The following SLC7A6OS variants were observed in gnomAD, a reference collection of about 807,000 sequenced individuals.
The protein encoded by SLC7A6OS is probable RNA polymerase II nuclear localization protein SLC7A6OS.
In SLC7A6OS, 22 loss-of-function variants were observed where a neutral mutation model predicts 34.3. The ratio of observed to expected loss-of-function variants is 0.64; its 90% confidence interval spans 0.46 to 0.92. The LOEUF (loss-of-function observed/expected upper bound fraction) is 0.92. Among genes scored for constraint, SLC7A6OS ranks in the 40% least tolerant of loss-of-function variants. The pLI is 0.00. For synonymous variants in SLC7A6OS, 199 were observed against 165.0 expected (o/e 1.21, Z -1.58); for missense variants, 434 against 407.7 (o/e 1.06, Z -0.56).
At chr16:68,303,645 A>G (rs2043304453) in intron 3 of SLC7A6OS, 1 of 176,420 alleles carries the variant, frequency 5.7e-6, no homozygotes, top group African/African-American at 2.4e-5. Context: ...AGGTTTCTCT[A>G]CTTCTAAGGT....
intron 3 of SLC7A6OS, 136 bp from the exon 4 acceptor site, chr16:68,302,637 C>A: frequency 1.1e-6 from 1 of 932,028 alleles, no homozygotes; most frequent in Non-Finnish European, 1.7e-6. Flanking sequence ...AGTAGTTTGA[C>A]TCCATTGCAC....
At chr16:68,310,695 C>T (rs1306771409) in intron 1 of SLC7A6OS, 40 bp downstream of exon 1, 1 of 1,583,102 alleles carries the variant, frequency 6.3e-7, no homozygotes, top group South Asian at 1.1e-5. Context: ...CCGGCTGCAC[C>T]CGAAGATGCC....
chr16:68,303,254 ACT>A (rs2043300051), intron 3 of SLC7A6OS, among the ~76,000 whole-genome samples: 19 of 126,216 alleles, frequency 1.5e-4, no homozygotes, highest in Admixed American at 2.6e-4. Context: ...ACAGAGCGAG[ACT>A]CCATCTCAAA....
chr16:68,308,076 A>G (rs1226759867), intron 2 of SLC7A6OS, among the ~76,000 whole-genome samples: 1 of 151,788 alleles, frequency 6.6e-6, no homozygotes, highest in Non-Finnish European at 1.5e-5. Context: ...TAATTTTTGT[A>G]TTTTTAGTAG....
At chr16:68,303,401 G>C (rs962213937) in intron 3 of SLC7A6OS, among the ~76,000 whole-genome samples, 59 of 152,054 alleles carry the variant, frequency 3.9e-4, no homozygotes, top group African/African-American at 1.4e-3. Flanking sequence ...ACAACATAGT[G>C]AGACCCTGCC....
Position 68,300,648 on chromosome 16 carries a change from T to A in SLC7A6OS, c.*627A>T. 1 of 985,460 alleles carries A rather than the reference T, an allele frequency of 1.0e-6. No individual in the cohort carries two copies. The highest frequency in any genetic ancestry group is 1.2e-6 in the Non-Finnish European group (1 of 829,934). The allele number at this position is 985,460 out of a possible 1,614,324, so 61.0% of individuals were successfully genotyped here. ...TCAAAGCTAGATTTTACTAAACACA[T>A]GTATCACATTCATATATATTGTTTC... is the stretch of plus-strand genomic sequence containing the variant. On this transcript the variant is annotated 3_prime_UTR_variant, in exon 5 of 5. Coordinates refer to ENST00000263997, the MANE Select transcript of SLC7A6OS (RefSeq NM_032178.3).
Position 68,300,986 on chromosome 16 carries a change from G to C in SLC7A6OS, c.*289C>G. The stretch of plus-strand genomic sequence containing the variant: ...ACCTGAATGCCAGGAAAAATTCCTG[G>C]GCCAAGAAGCTAAAGCTAAAGAAAC... On this transcript the variant is annotated 3_prime_UTR_variant, in exon 5 of 5. Coordinates refer to ENST00000263997, the MANE Select transcript of SLC7A6OS (RefSeq NM_032178.3). The C allele has an allele frequency of 9.5e-7, 1 of 1,047,160 alleles. No individual in the cohort carries two copies. Among genetic ancestry groups the C allele is most frequent in the Non-Finnish European group, 1.1e-6 (1 of 870,658 alleles). The allele number at this position is 1,047,160 out of a possible 1,614,324, so 64.9% of individuals were successfully genotyped here.
At position 68,310,413 on chromosome 16, in the gene SLC7A6OS, G is replaced by A; in HGVS notation, c.393C>T (p.Ala131=). 1 of 1,610,512 alleles carries A rather than the reference G, an allele frequency of 6.2e-7. No homozygotes were observed. Among genetic ancestry groups the A allele is most frequent in the Non-Finnish European group, 8.5e-7 (1 of 1,178,688 alleles). Residue 131 remains alanine (A), a synonymous_variant, in exon 2 of 5, where the codon GCC becomes GCT. Transcript: ENST00000263997. ...CTAACAACTGAAAGCCCGAGTTCCC[G>A]GCGGCTTCTGGGTTCCCCGGCGTGT... ...SEYTPGNPEA[A]GNSGFQLLDL... is the part of the protein sequence containing the mutation.
At chr16:68,309,742 A>G (rs936267654) in intron 2 of SLC7A6OS, among the ~76,000 whole-genome samples, 6 of 152,030 alleles carry the variant, frequency 3.9e-5, no homozygotes, top group African/African-American at 1.2e-4. Flanking sequence ...TACCTGCTCT[A>G]TCTCTATTTT....
rs933147092 is a variant in SLC7A6OS at position 68,298,101 on chromosome 16, G to A, written c.*3174C>T. The A allele has an allele frequency of 6.6e-6, 1 of 152,632 alleles. No individual in the cohort carries two copies. The highest frequency in any genetic ancestry group is 1.5e-5 in the Non-Finnish European group (1 of 68,042). The allele number at this position is 152,632 out of a possible 1,614,324, so 9.5% of individuals were successfully genotyped here. A position where few individuals can be genotyped will look rare whatever the true frequency, so the allele number is the denominator to read the frequency against. On this transcript the variant is annotated 3_prime_UTR_variant, in exon 5 of 5. Coordinates refer to ENST00000263997, the MANE Select transcript of SLC7A6OS (RefSeq NM_032178.3). Reference sequence around the variant, plus strand: ...AGCATACAGATAGATCATAGATCACGTTACAAGCACTTGGCTCAGGTCCAG... The same window carrying A: ...AGCATACAGATAGATCATAGATCACATTACAAGCACTTGGCTCAGGTCCAG...
chr16:68,306,746 C>G (rs1206589995), intron 2 of SLC7A6OS, among the ~76,000 whole-genome samples: 1 of 152,174 alleles, frequency 6.6e-6, no homozygotes, highest in Non-Finnish European at 1.5e-5. Flanking sequence ...CCTGCCTTAG[C>G]CTCCCAAAGT....
At chr16:68,310,311 G>A (rs757919484) in intron 2 of SLC7A6OS, 24 bp downstream of exon 2, 9 of 1,555,844 alleles carry the variant, frequency 5.8e-6, no homozygotes, top group Middle Eastern at 1.7e-4. Flanking sequence ...GAAGCCCAGC[G>A]ACCACCTTCA....
chr16:68,309,278 G>A (rs907438934), intron 2 of SLC7A6OS, among the ~76,000 whole-genome samples: 1 of 151,854 alleles, frequency 6.6e-6, no homozygotes, highest in Non-Finnish European at 1.5e-5. Flanking sequence ...CTTCCTTTTT[G>A]TAGTGACAAG....
chr16:68,306,186 T>C (rs916833028), intron 2 of SLC7A6OS, among the ~76,000 whole-genome samples: 1 of 152,220 alleles, frequency 6.6e-6, no homozygotes, highest in African/African-American at 2.4e-5. Flanking sequence ...TCCTTTGCTA[T>C]ATTTTTTCAA....
chr16:68,306,776 C>T (rs1056109985), intron 2 of SLC7A6OS, among the ~76,000 whole-genome samples: 1 of 152,138 alleles, frequency 6.6e-6, no homozygotes, highest in African/African-American at 2.4e-5. Flanking sequence ...ATAGGAGTAA[C>T]CCACCGTACC....
chr16:68,301,496 T>G (rs2043274958), intron 4 of SLC7A6OS, 91 bp from the exon 5 acceptor site: 1 of 1,131,156 alleles, frequency 8.8e-7, no homozygotes, highest in South Asian at 1.6e-5. Context: ...CTGTTTTTGT[T>G]CCCGATTGTA....
rs865978522 is a variant in SLC7A6OS, at chr16:68,301,292, C to T, written c.913G>A (p.Asp305Asn). Reference sequence around the variant, plus strand: ...CAAGACCATCAGTCTGAATCCAGGTCGTGGGGGCTGTCATAGCCGAACTCC... The same window carrying T: ...CAAGACCATCAGTCTGAATCCAGGTTGTGGGGGCTGTCATAGCCGAACTCC... ...QKEFGYDSPHDLDSD is the reference protein window; with the variant it reads ...QKEFGYDSPHNLDSD The change falls in exon 5 of 5, where the codon GAC becomes AAC. Residue 305 changes from aspartate (D) to asparagine (N), a missense_variant. Asp to Asn is a conservative substitution (Grantham distance 23). Transcript: ENST00000263997. The T allele has an allele frequency of 5.6e-6, 9 of 1,613,930 alleles. No homozygotes were observed. The Admixed American group carries it at 6.7e-5, about 12-fold the overall frequency.
At position 68,310,931 on chromosome 16, in the gene SLC7A6OS, G is replaced by A; in HGVS notation, c.-5C>T. On this transcript the variant is annotated 5_prime_UTR_variant, in exon 1 of 5. Coordinates refer to ENST00000263997, the MANE Select transcript of SLC7A6OS (RefSeq NM_032178.3). ...AGCGGTCCTGGCGGCCTCCATAGTG[G>A]CTGCCGCTGAGCACTGTGGGAGCTC... The A allele has an allele frequency of 6.4e-7, 1 of 1,573,660 alleles. No individual in the cohort carries two copies. The highest frequency in any genetic ancestry group is 8.6e-7 in the Non-Finnish European group (1 of 1,164,992).
rs377372949 is a variant in SLC7A6OS at position 68,304,186 on chromosome 16, C to T, written c.518G>A (p.Arg173His). ...VILCNSVELI[R>H]ERLTVSEDGP... is the part of the protein sequence containing the mutation. ...ATCCTCAGACACAGTCAATCGCTCACGGATCAACTCTACAGAATTGCAGAG... is the reference window on the plus strand; with the variant it reads ...ATCCTCAGACACAGTCAATCGCTCATGGATCAACTCTACAGAATTGCAGAG... The change falls in exon 3 of 5, where the codon CGT (arginine) becomes CAT (histidine). Residue 173 changes from arginine to histidine, a missense_variant. By Grantham distance (29) the Arg-to-His change is conservative. Transcript: ENST00000263997. 5.0e-5 allele frequency: 80 copies of T among 1,614,062 alleles called. No homozygotes were observed. The highest frequency in any genetic ancestry group is 1.5e-4 in the Admixed American group (9 of 60,002).
Sources: gnomAD v4.1 joint callset for allele counts (sites outside exome capture counted in the v4.1 genomes callset) on GRCh38, gnomAD v4.1.1 for gene constraint, MANE v1.5 for transcripts, NCBI Gene and HGNC (gene_info 2026-07-23, HGNC 2026-07-21) for gene names.